The following CDH20 variants were observed in gnomAD, a reference collection of about 807,000 sequenced individuals.
CDH20 encodes the protein cadherin 20.
CDH20 carries 29 observed loss-of-function variants against 74.2 expected under a neutral mutation model. The ratio of observed to expected loss-of-function variants is 0.39; its 90% CI spans 0.29 to 0.53. The LOEUF (loss-of-function observed/expected upper bound fraction) is 0.53. Ranked by LOEUF, CDH20 falls within the 20% of genes least tolerant of loss-of-function variation. The pLI is 0.69. For synonymous variants in CDH20, 469 were observed against 405.4 expected (o/e 1.16, Z -1.88); for missense variants, 988 against 1,048.3 (o/e 0.94, Z 0.79).
chr18:61,536,753 T>C, intron 8 of CDH20, 124 bp downstream of exon 8: 1 of 824,804 alleles, frequency 1.2e-6, no homozygotes, highest in Non-Finnish European at 1.9e-6. Context: ...GAAATCATGC[T>C]TTATGCAAGT....
At chr18:61,533,734 T>C (rs1291769771) in intron 7 of CDH20, among the ~76,000 whole-genome samples, 1 of 152,236 alleles carries the variant, frequency 6.6e-6, no homozygotes, top group Admixed American at 6.5e-5. Flanking sequence ...AGGTTTCTTC[T>C]AGTAGTTTGA....
chr18:61,344,214 A>G (rs916407585), intron 1 of CDH20, among the ~76,000 whole-genome samples: 1 of 152,230 alleles, frequency 6.6e-6, no homozygotes, highest in African/African-American at 2.4e-5. Context: ...GCCATATAAA[A>G]TAAGAATCAC....
At chr18:61,540,234 G>T (rs1912978056) in intron 9 of CDH20, among the ~76,000 whole-genome samples, 1 of 152,134 alleles carries the variant, frequency 6.6e-6, no homozygotes, top group Non-Finnish European at 1.5e-5. Context: ...GCTGGTGCTG[G>T]ATCAATGGGC....
At chr18:61,416,110 A>T (rs1912674209) in intron 1 of CDH20, among the ~76,000 whole-genome samples, 1 of 152,090 alleles carries the variant, frequency 6.6e-6, no homozygotes, top group South Asian at 2.1e-4. Context: ...AAAGAGTTTA[A>T]TGGGCCTCTA....
intron 6 of CDH20, among the ~76,000 whole-genome samples, chr18:61,508,244 A>G (rs1305987980): frequency 6.6e-6 from 1 of 152,236 alleles, no homozygotes; most frequent in Non-Finnish European, 1.5e-5. Flanking sequence ...ATTCTCAACA[A>G]ATTTATTGAG....
chr18:61,344,045 G>A (rs1424834016), intron 1 of CDH20, among the ~76,000 whole-genome samples: 1 of 152,088 alleles, frequency 6.6e-6, no homozygotes, highest in Non-Finnish European at 1.5e-5. Context: ...CCTAGCCTGT[G>A]GTGCATGTGA....
chr18:61,554,348 CG>C lies in CDH20; in HGVS notation c.2062del (p.Glu688ArgfsTer31). On this transcript the variant is annotated frameshift_variant, in exon 12 of 12. Transcript: ENST00000262717. LOFTEE classifies it high-confidence loss of function. ...AFDIAAMWNPREAQAGAAPKT... is the reference protein window; with the variant it reads ...AFDIAAMWNPXEAQAGAAPKT... ...CGACATCGCGGCCATGTGGAACCCC[CG>C]GGAGGCGCAGGCGGGGGCCGCCCCC... 6.2e-7 allele frequency: 1 copy of C among 1,613,406 alleles called. No individual in the cohort carries two copies. Among genetic ancestry groups the C allele is most frequent in the Non-Finnish European group, 8.5e-7 (1 of 1,179,892 alleles).
chr18:61,374,631 T>G (rs1911152671), intron 1 of CDH20, among the ~76,000 whole-genome samples: 1 of 152,178 alleles, frequency 6.6e-6, no homozygotes, highest in Non-Finnish European at 1.5e-5. Context: ...ATATGAAATT[T>G]TTATGTTTAA....
At chr18:61,542,629 C>T (rs1377500633) in intron 9 of CDH20, among the ~76,000 whole-genome samples, 1 of 152,114 alleles carries the variant, frequency 6.6e-6, no homozygotes, top group Non-Finnish European at 1.5e-5. Flanking sequence ...GTGTCTCAGT[C>T]GGTTTGTATT....
chr18:61,375,520 C>T (rs541657153), intron 1 of CDH20, among the ~76,000 whole-genome samples: 5 of 152,254 alleles, frequency 3.3e-5, no homozygotes, highest in African/African-American at 1.2e-4. Flanking sequence ...ACCCTCCCTT[C>T]GTCCATCTCA....
intron 1 of CDH20, among the ~76,000 whole-genome samples, chr18:61,484,672 G>T (rs1910694507): frequency 6.6e-6 from 1 of 151,578 alleles, no homozygotes; most frequent in East Asian, 1.9e-4. Context: ...GACTGACCAA[G>T]TTTTTCAAAG....
intron 1 of CDH20, among the ~76,000 whole-genome samples, chr18:61,438,479 T>C (rs901927738): frequency 2.0e-5 from 3 of 152,156 alleles, no homozygotes; most frequent in African/African-American, 7.2e-5. Flanking sequence ...ATCCACAGGA[T>C]ACACTGATCC....
At chr18:61,414,751 G>A (rs753343959) in intron 1 of CDH20, among the ~76,000 whole-genome samples, 2 of 151,950 alleles carry the variant, frequency 1.3e-5, no homozygotes, top group Non-Finnish European at 2.9e-5. Flanking sequence ...GATTGTCAGA[G>A]AAGAGGCGAG....
intron 1 of CDH20, among the ~76,000 whole-genome samples, chr18:61,440,404 G>T (rs1908989083): frequency 6.6e-6 from 1 of 152,158 alleles, no homozygotes; most frequent in Non-Finnish European, 1.5e-5. Context: ...AAAAGAAATA[G>T]TAAAAACTAC....
intron 1 of CDH20, among the ~76,000 whole-genome samples, chr18:61,335,929 C>T (rs1347302784): frequency 2.0e-5 from 3 of 152,196 alleles, no homozygotes; most frequent in African/African-American, 7.2e-5. Context: ...AATTATCTTT[C>T]GTTTGGGGAG....
chr18:61,499,160 G>C, intron 2 of CDH20, 26 bp from the exon 3 acceptor site: 10 of 1,491,562 alleles, frequency 6.7e-6, no homozygotes, highest in African/African-American at 1.4e-5. Flanking sequence ...CATTCATGAT[G>C]AGAATTAGGT....
chr18:61,535,458 G>A (rs1912789822), intron 7 of CDH20, among the ~76,000 whole-genome samples: 1 of 152,144 alleles, frequency 6.6e-6, no homozygotes, highest in Non-Finnish European at 1.5e-5. Flanking sequence ...CCACATGCCT[G>A]AGCCTCCATC....
intron 1 of CDH20, among the ~76,000 whole-genome samples, chr18:61,364,105 G>A (rs980015008): frequency 1.3e-5 from 2 of 152,118 alleles, no homozygotes; most frequent in Non-Finnish European, 2.9e-5. Context: ...TGGATTATAT[G>A]TGTAAAAAGT....
intron 1 of CDH20, among the ~76,000 whole-genome samples, chr18:61,455,602 G>T (rs1340578521): frequency 6.7e-6 from 1 of 149,702 alleles, no homozygotes; most frequent in African/African-American, 2.5e-5. Flanking sequence ...ACCTTAAGGA[G>T]GCACAAATTT....
Sources: gnomAD v4.1 joint callset for allele counts (sites outside exome capture counted in the v4.1 genomes callset) on GRCh38, gnomAD v4.1.1 for gene constraint, MANE v1.5 for transcripts, NCBI Gene and HGNC (gene_info 2026-07-23, HGNC 2026-07-21) for gene names.